ENOX1: variants seen among roughly 807,000 people sequenced by gnomAD.
ENOX1 encodes ecto-NOX disulfide-thiol exchanger 1, also known as candidate growth-related and time keeping constitutive hydroquinone (NADH) oxidase.
ENOX1 carries 42 observed loss-of-function variants against 82.5 expected under a neutral mutation model. The ratio of observed to expected loss-of-function variants is 0.51; its 90% CI spans 0.40 to 0.66. The LOEUF is 0.66. ENOX1 is among the 30% of genes least tolerant of loss of function. ENOX1 has a pLI of 0.00. For synonymous variants in ENOX1, 271 were observed against 282.2 expected (o/e 0.96, Z 0.40); for missense variants, 608 against 811.6 (o/e 0.75, Z 3.05).
chr13:43,331,387 T>C (rs2048401168), intron 9 of ENOX1, among the ~76,000 whole-genome samples: 2 of 152,218 alleles, frequency 1.3e-5, no homozygotes, highest in Admixed American at 6.5e-5. Context: ...TTAAAGGCAG[T>C]AGGCTTGCCT....
intron 1 of ENOX1, among the ~76,000 whole-genome samples, chr13:43,752,173 A>C (rs1950359919): frequency 6.6e-6 from 1 of 152,170 alleles, no homozygotes; most frequent in Admixed American, 6.5e-5. Context: ...TTTACCACCC[A>C]TATTTCTTAT....
chr13:43,744,771 T>C (rs965913420), intron 1 of ENOX1, among the ~76,000 whole-genome samples: 5 of 152,174 alleles, frequency 3.3e-5, no homozygotes, highest in Admixed American at 2.0e-4. Context: ...AACAGTACTA[T>C]AGGGGTCTAA....
chr13:43,524,026 G>A (rs1000485256), intron 2 of ENOX1, among the ~76,000 whole-genome samples: 10 of 151,894 alleles, frequency 6.6e-5, no homozygotes, highest in Non-Finnish European at 2.9e-5. Flanking sequence ...TTCCTCACCG[G>A]ACCCATGGAA....
intron 2 of ENOX1, among the ~76,000 whole-genome samples, chr13:43,512,047 C>T (rs1343638594): frequency 6.6e-6 from 1 of 151,996 alleles, no homozygotes; most frequent in Admixed American, 6.6e-5. Context: ...TGTGCATAAT[C>T]TACGAATACT....
chr13:43,627,428 G>T, intron 2 of ENOX1, among the ~76,000 whole-genome samples: 1 of 151,708 alleles, frequency 6.6e-6, no homozygotes, highest in East Asian at 1.9e-4. Context: ...ATATTTTAAT[G>T]GTTGCTCTGG....
intron 1 of ENOX1, among the ~76,000 whole-genome samples, chr13:43,735,547 C>A (rs2089580193): frequency 6.6e-6 from 1 of 152,154 alleles, no homozygotes; most frequent in South Asian, 2.1e-4. Context: ...CAGTGAAACC[C>A]CGTCTCTACT....
chr13:43,228,190 C>T (rs2042113550), intron 15 of ENOX1, among the ~76,000 whole-genome samples: 1 of 146,714 alleles, frequency 6.8e-6, no homozygotes, highest in Non-Finnish European at 1.5e-5. Flanking sequence ...TGAAAAATGC[C>T]ACAAACCTGG....
chr13:43,661,860 C>T (rs555522460), intron 2 of ENOX1, among the ~76,000 whole-genome samples: 15 of 152,228 alleles, frequency 9.9e-5, no homozygotes, highest in African/African-American at 3.4e-4. Context: ...AAACATTTAC[C>T]GAGTATCTAC....
intron 11 of ENOX1, among the ~76,000 whole-genome samples, chr13:43,304,207 A>G (rs527916831): frequency 6.6e-6 from 1 of 152,342 alleles, no homozygotes. Context: ...CAGTAGCAGT[A>G]ATGGGAATAG....
chr13:43,609,900 T>G, intron 2 of ENOX1: 1 of 981,986 alleles, frequency 1.0e-6, no homozygotes, highest in Non-Finnish European at 1.2e-6. Context: ...ATGTAAGAAA[T>G]TTTTCCATCT....
rs1275391614 is a variant in ENOX1 at position 43,786,970 on chromosome 13, T to C, written c.-603A>G. ...GGGCGTGCGCACGCGCGCCTGCGAG[T>C]GTGAGTGTATGGGTGCGCGCGCGCC... On this transcript the variant is annotated 5_prime_UTR_variant, in exon 1 of 17. Coordinates refer to ENST00000690772, the MANE Select transcript of ENOX1 (RefSeq NM_001347969.2). The surrounding 1 kb of genome is among the most constrained non-coding windows in gnomAD (Gnocchi z 6.0). The C allele has an allele frequency of 2.8e-5, 4 of 141,544 alleles. No individual in the cohort carries two copies. Among genetic ancestry groups the C allele is most frequent in the African/African-American group, 1.1e-4 (4 of 37,558 alleles). The allele number at this position is 141,544 out of a possible 1,614,324, so 8.8% of individuals were successfully genotyped here. A position where few individuals can be genotyped will look rare whatever the true frequency, so the allele number is the denominator to read the frequency against.
intron 5 of ENOX1, among the ~76,000 whole-genome samples, chr13:43,396,379 C>T (rs1027146674): frequency 8.5e-5 from 13 of 152,074 alleles, no homozygotes; most frequent in Non-Finnish European, 1.6e-4. Context: ...AAAAAGATTA[C>T]CTTAATTTTT....
At chr13:43,425,837 G>A (rs1594526325) in intron 3 of ENOX1, among the ~76,000 whole-genome samples, 2 of 152,230 alleles carry the variant, frequency 1.3e-5, no homozygotes, top group East Asian at 3.9e-4. Flanking sequence ...ATTTGTAACT[G>A]GGCTATCTCA....
intron 5 of ENOX1, among the ~76,000 whole-genome samples, chr13:43,371,086 T>A (rs2051211281): frequency 6.6e-6 from 1 of 152,184 alleles, no homozygotes; most frequent in East Asian, 1.9e-4. Context: ...GATGATTAAT[T>A]TTCTTTCTGT....
intron 1 of ENOX1, among the ~76,000 whole-genome samples, chr13:43,698,138 T>C (rs2086730815): frequency 6.6e-6 from 1 of 152,088 alleles, no homozygotes; most frequent in Admixed American, 6.5e-5. Flanking sequence ...AAAAAATGGG[T>C]GAGTCATCAG....
At chr13:43,462,500 A>C (rs2057532416) in intron 3 of ENOX1, among the ~76,000 whole-genome samples, 1 of 152,232 alleles carries the variant, frequency 6.6e-6, no homozygotes, top group African/African-American at 2.4e-5. Context: ...AGCTGGCAAA[A>C]AAATCTCTTC....
intron 3 of ENOX1, among the ~76,000 whole-genome samples, chr13:43,458,060 CA>C (rs1442623279): frequency 2.6e-5 from 4 of 152,084 alleles, no homozygotes; most frequent in African/African-American, 9.7e-5. Context: ...TTGTCTAGCT[CA>C]AATTATGTAG....
intron 1 of ENOX1, among the ~76,000 whole-genome samples, chr13:43,753,819 A>G (rs1182892916): frequency 1.3e-5 from 2 of 152,128 alleles, no homozygotes; most frequent in African/African-American, 4.8e-5. Context: ...ACCACATAAG[A>G]GAAACTCAGG....
At chr13:43,615,122 T>C (rs2082352408) in intron 2 of ENOX1, among the ~76,000 whole-genome samples, 1 of 152,242 alleles carries the variant, frequency 6.6e-6, no homozygotes, top group South Asian at 2.1e-4. Context: ...TAATTTACTT[T>C]CTTTAAAATA....
Sources: gnomAD v4.1 joint callset for allele counts (sites outside exome capture counted in the v4.1 genomes callset) on GRCh38, gnomAD v4.1.1 for gene constraint, Gnocchi (gnomAD v3.1) non-coding constraint, MANE v1.5 for transcripts, NCBI Gene and HGNC (gene_info 2026-07-23, HGNC 2026-07-21) for gene names.